Variants in SUCLG2 observed in about 807,000 individuals in gnomAD.
SUCLG2 encodes succinate--CoA ligase [GDP-forming] subunit beta, mitochondrial.
In SUCLG2, 42 loss-of-function variants were observed where a neutral mutation model predicts 47.9. The ratio of observed to expected loss-of-function variants is 0.88; its 90% CI spans 0.69 to 1.14. The LOEUF is 1.14. Ranked by LOEUF, SUCLG2 falls within the 50% of genes most tolerant of loss-of-function variation. SUCLG2 has a pLI of 0.00. For synonymous variants in SUCLG2, 195 were observed against 197.3 expected (o/e 0.99, Z 0.10); for missense variants, 571 against 525.9 (o/e 1.09, Z -0.84).
chr3:67,527,212 G>A (rs1173852829), intron 4 of SUCLG2, among the ~76,000 whole-genome samples: 2 of 152,210 alleles, frequency 1.3e-5, no homozygotes, highest in Admixed American at 1.3e-4. Context: ...CCTGCAGCAT[G>A]GTGCATTGGT....
In SUCLG2 at chr3:67,563,042, C is replaced by T. The variant is rs115957924; in HGVS notation, c.227-33856G>A. Among the ~76,000 whole-genome samples, 11 of 149,660 alleles carry T rather than the reference C, an allele frequency of 7.3e-5. No homozygotes were observed. The East Asian group carries it at 7.8e-4, about 11-fold the overall frequency. The stretch of plus-strand genomic sequence containing the variant: ...TATAGCTTAGGAATTATAATGTGTA[C>T]GATTTACATTCTATTTATTATTTTA... On this transcript the variant is annotated intron_variant, in intron 2 of 10. Transcript: ENST00000307227.
intron 9 of SUCLG2, among the ~76,000 whole-genome samples, chr3:67,466,507 T>G (rs1463733842): frequency 2.0e-5 from 3 of 152,184 alleles, no homozygotes. Context: ...CTTTGTAGCT[T>G]TTTAGGCAGT....
intron 2 of SUCLG2, among the ~76,000 whole-genome samples, chr3:67,607,007 T>G (rs1414124527): frequency 1.3e-5 from 2 of 152,226 alleles, no homozygotes; most frequent in Non-Finnish European, 2.9e-5. Context: ...CGACTTACTC[T>G]TAAAAGAGCA....
intron 9 of SUCLG2, among the ~76,000 whole-genome samples, chr3:67,442,498 C>T (rs73102369): frequency 0.058 from 8,754 of 152,220 alleles, 374 homozygotes; most frequent in East Asian, 0.22. Context: ...AAGGGCTTTC[C>T]AGGGGATTCT....
chr3:67,504,615 C>T (rs1705588901), intron 7 of SUCLG2, among the ~76,000 whole-genome samples: 2 of 152,080 alleles, frequency 1.3e-5, no homozygotes, highest in African/African-American at 4.8e-5. Flanking sequence ...TGAACAGGGA[C>T]CATCCTGTGC....
chr3:67,637,294 A>G (rs1349488864), intron 1 of SUCLG2, among the ~76,000 whole-genome samples: 1 of 152,206 alleles, frequency 6.6e-6, no homozygotes, highest in East Asian at 1.9e-4. Flanking sequence ...ACTGCCTCTA[A>G]TTAGATTCAG....
At chr3:67,376,329 CTA>C in intron 10 of SUCLG2, 2 of 985,404 alleles carry the variant, frequency 2.0e-6, no homozygotes, top group Non-Finnish European at 2.4e-6. Context: ...TCTCCTCACT[CTA>C]TAAAATGAAA....
At chr3:67,472,431 A>C (rs1575719502) in intron 9 of SUCLG2, among the ~76,000 whole-genome samples, 2 of 152,194 alleles carry the variant, frequency 1.3e-5, no homozygotes, top group Non-Finnish European at 2.9e-5. Flanking sequence ...TTTACTCTAT[A>C]ATTTTTACAT....
At chr3:67,607,872 T>C (rs1700452049) in intron 2 of SUCLG2, among the ~76,000 whole-genome samples, 1 of 152,200 alleles carries the variant, frequency 6.6e-6, no homozygotes, top group Non-Finnish European at 1.5e-5. Flanking sequence ...CCCTTTGCTC[T>C]TCCTTTGTCT....
intron 9 of SUCLG2, among the ~76,000 whole-genome samples, chr3:67,414,850 A>G (rs1216811512): frequency 2.0e-5 from 3 of 152,010 alleles, no homozygotes; most frequent in African/African-American, 7.2e-5. Context: ...TAATCTGAAA[A>G]TTTCTATTTC....
intron 10 of SUCLG2, among the ~76,000 whole-genome samples, chr3:67,395,432 T>C (rs1485172680): frequency 6.6e-6 from 1 of 152,146 alleles, no homozygotes; most frequent in African/African-American, 2.4e-5. Context: ...AAGAAGGCCA[T>C]TACATAATGG....
At chr3:67,519,587 G>A (rs1432744284) in intron 5 of SUCLG2, among the ~76,000 whole-genome samples, 1 of 152,044 alleles carries the variant, frequency 6.6e-6, no homozygotes, top group Non-Finnish European at 1.5e-5. Flanking sequence ...GATGCTAAGT[G>A]GGTGTTTATT....
At chr3:67,620,649 A>G (rs1700720857) in intron 1 of SUCLG2, among the ~76,000 whole-genome samples, 1 of 151,850 alleles carries the variant, frequency 6.6e-6, no homozygotes, top group South Asian at 2.1e-4. Context: ...TGAGCTGTGC[A>G]GGCCAATTTT....
At chr3:67,461,953 C>T (rs1390011917) in intron 9 of SUCLG2, among the ~76,000 whole-genome samples, 1 of 152,010 alleles carries the variant, frequency 6.6e-6, no homozygotes, top group Non-Finnish European at 1.5e-5. Context: ...GAGGTAAGGT[C>T]ATGCGGGGCC....
chr3:67,472,087 T>A (rs923966739), intron 9 of SUCLG2, among the ~76,000 whole-genome samples: 1 of 152,136 alleles, frequency 6.6e-6, no homozygotes, highest in Non-Finnish European at 1.5e-5. Flanking sequence ...TCAAATCTAG[T>A]TTCATCTTGA....
chr3:67,595,475 T>C (rs1374369598), intron 2 of SUCLG2, among the ~76,000 whole-genome samples: 1 of 151,996 alleles, frequency 6.6e-6, no homozygotes, highest in Non-Finnish European at 1.5e-5. Context: ...GTCTGCCCAG[T>C]ATAGGGAGTT....
At chr3:67,468,979 A>G (rs188767200) in intron 9 of SUCLG2, among the ~76,000 whole-genome samples, 2 of 152,354 alleles carry the variant, frequency 1.3e-5, no homozygotes, top group Non-Finnish European at 2.9e-5. Context: ...GGCTCTCTGC[A>G]TAATTACATT....
chr3:67,469,266 G>T (rs781023754), intron 9 of SUCLG2, among the ~76,000 whole-genome samples: 3 of 152,194 alleles, frequency 2.0e-5, no homozygotes, highest in Non-Finnish European at 2.9e-5. Context: ...AGGGATGGAA[G>T]AAAGATTTGT....
At chr3:67,438,233 G>A (rs1285468765) in intron 9 of SUCLG2, among the ~76,000 whole-genome samples, 1 of 152,160 alleles carries the variant, frequency 6.6e-6, no homozygotes, top group African/African-American at 2.4e-5. Context: ...CTAAGGAAGT[G>A]TTTAGAGAGA....
Sources: gnomAD v4.1 joint callset for allele counts (sites outside exome capture counted in the v4.1 genomes callset) on GRCh38, gnomAD v4.1.1 for gene constraint, MANE v1.5 for transcripts, NCBI Gene and HGNC (gene_info 2026-07-23, HGNC 2026-07-21) for gene names.